NEBL: variants seen among roughly 807,000 people sequenced by gnomAD.
NEBL encodes the protein nebulette, also known as LIM and SH3 protein 2.
In NEBL, 122 loss-of-function variants were observed where a neutral mutation model predicts 140.2. The ratio of observed to expected loss-of-function variants is 0.87; its 90% CI spans 0.75 to 1.01. The LOEUF is 1.01. Among genes scored for constraint, NEBL ranks in the 50% least tolerant of loss-of-function variants. The pLI is 0.00. For synonymous variants in NEBL, 436 were observed against 398.9 expected (o/e 1.09, Z -1.11); for missense variants, 1,365 against 1,231.3 (o/e 1.11, Z -1.62).
At chr10:21,043,178 A>C (rs1834346813) in intron 2 of NEBL, among the ~76,000 whole-genome samples, 1 of 152,218 alleles carries the variant, frequency 6.6e-6, no homozygotes, top group Non-Finnish European at 1.5e-5. Flanking sequence ...TCCCAGCAAC[A>C]GCCTTTCCTC....
chr10:21,049,326 C>T (rs909531533), intron 2 of NEBL, among the ~76,000 whole-genome samples: 4 of 152,174 alleles, frequency 2.6e-5, no homozygotes, highest in African/African-American at 4.8e-5. Context: ...GCAGGCCCAC[C>T]ACACCCAGGG....
intron 2 of NEBL, among the ~76,000 whole-genome samples, chr10:21,073,329 A>AG (rs1835904599): frequency 6.6e-6 from 1 of 151,668 alleles, no homozygotes; most frequent in South Asian, 2.1e-4. Flanking sequence ...TCTCAAAAAA[A>AG]AAAAAAGCCA....
intron 6 of NEBL, 53 bp downstream of exon 6, chr10:20,869,687 C>T: frequency 8.0e-7 from 1 of 1,257,510 alleles, no homozygotes; most frequent in African/African-American, 1.5e-5. Context: ...TATGCTTTGC[C>T]TCCTACAAAA....
chr10:20,780,861 G>C lies in NEBL; in HGVS notation c.*4886C>G, dbSNP rs1238616367. Reference sequence around the variant, plus strand: ...TTCCTGGTTTGCCGTCATTTAAGTAGTTTCAATAGATAAATCGGTGATTTG... The same window carrying C: ...TTCCTGGTTTGCCGTCATTTAAGTACTTTCAATAGATAAATCGGTGATTTG... On this transcript the variant is annotated 3_prime_UTR_variant, in exon 28 of 28. Transcript: ENST00000377122. 1 of 152,158 alleles carries C rather than the reference G, an allele frequency of 6.6e-6. No homozygotes were observed. Among genetic ancestry groups the C allele is most frequent in the African/African-American group, 2.4e-5 (1 of 41,440 alleles). 9.4% of individuals were successfully genotyped at this position (152,158 alleles called of 1,614,324 possible). A position where few individuals can be genotyped will look rare whatever the true frequency, so the allele number is the denominator to read the frequency against.
chr10:20,781,635 AACT>A lies in NEBL; in HGVS notation c.*4109_*4111del, dbSNP rs1452209728. 1 of 152,440 alleles carries A rather than the reference AACT, an allele frequency of 6.6e-6. No individual in the cohort carries two copies. The highest frequency in any genetic ancestry group is 6.5e-5 in the Admixed American group (1 of 15,280). 9.4% of individuals were successfully genotyped at this position (152,440 alleles called of 1,614,324 possible). A position where few individuals can be genotyped will look rare whatever the true frequency, so the allele number is the denominator to read the frequency against. ...AGGAATATACTGAAGTCATACAGAC[AACT>A]GAGAAAATTTGCTCAAAGATTCTTC... On this transcript the variant is annotated 3_prime_UTR_variant, in exon 28 of 28. Coordinates refer to ENST00000377122, the MANE Select transcript of NEBL (RefSeq NM_006393.3).
chr10:20,843,290 C>T (rs1841564949), intron 12 of NEBL, among the ~76,000 whole-genome samples: 1 of 152,044 alleles, frequency 6.6e-6, no homozygotes, highest in South Asian at 2.1e-4. Flanking sequence ...TCCCAGTCTC[C>T]AGAACTTTGA....
chr10:21,100,719 T>C (rs1253395417), intron 2 of NEBL, among the ~76,000 whole-genome samples: 2 of 152,246 alleles, frequency 1.3e-5, no homozygotes, highest in African/African-American at 4.8e-5. Flanking sequence ...GGATTGGTTT[T>C]GCTACAGATT....
chr10:20,829,103 T>A (rs1008790615), intron 16 of NEBL, among the ~76,000 whole-genome samples: 3 of 152,078 alleles, frequency 2.0e-5, no homozygotes, highest in Non-Finnish European at 4.4e-5. Context: ...ATTATTTCCA[T>A]CTTACAGATG....
chr10:21,053,136 C>A (rs138886453), intron 2 of NEBL, among the ~76,000 whole-genome samples: 12 of 151,686 alleles, frequency 7.9e-5, no homozygotes, highest in African/African-American at 2.7e-4. Flanking sequence ...TATTATATCA[C>A]GATAAATGAA....
intron 26 of NEBL, among the ~76,000 whole-genome samples, chr10:20,801,057 T>C (rs1418811859): frequency 2.0e-5 from 3 of 152,298 alleles, no homozygotes; most frequent in Admixed American, 2.0e-4. Context: ...CTTCAGCTCA[T>C]CTAGACACAC....
At chr10:21,259,002 A>T (rs112802358) in intron 1 of NEBL, among the ~76,000 whole-genome samples, 28 of 152,244 alleles carry the variant, frequency 1.8e-4, no homozygotes, top group African/African-American at 5.3e-4. Context: ...CAGATGACGA[A>T]AGTGAAGGCT....
intron 3 of NEBL, among the ~76,000 whole-genome samples, chr10:21,202,038 A>G (rs576144608): frequency 1.3e-5 from 2 of 152,240 alleles, no homozygotes; most frequent in South Asian, 4.1e-4. Context: ...TCCTATCGTG[A>G]TACAACATCT....
intron 2 of NEBL, among the ~76,000 whole-genome samples, chr10:21,052,759 A>G (rs1255903389): frequency 6.6e-6 from 1 of 152,204 alleles, no homozygotes; most frequent in Non-Finnish European, 1.5e-5. Flanking sequence ...CTCTCCAGCC[A>G]TGTTCTGTAG....
chr10:20,940,909 A>G (rs1017511587), intron 4 of NEBL, among the ~76,000 whole-genome samples: 2 of 152,358 alleles, frequency 1.3e-5, no homozygotes, highest in African/African-American at 2.4e-5. Context: ...CTCTGAATAG[A>G]CCAATAACAG....
chr10:20,862,436 G>A (rs542329941), intron 7 of NEBL, among the ~76,000 whole-genome samples: 1 of 152,158 alleles, frequency 6.6e-6, no homozygotes, highest in Non-Finnish European at 1.5e-5. Context: ...CGCTCTTTCT[G>A]TAAGGAATGC....
At chr10:21,230,388 C>T (rs1172317663) in intron 3 of NEBL, among the ~76,000 whole-genome samples, 1 of 152,110 alleles carries the variant, frequency 6.6e-6, no homozygotes, top group Non-Finnish European at 1.5e-5. Flanking sequence ...AAAGTAACTG[C>T]TCACTTAAAA....
chr10:21,288,849 T>TATATATATATATATATAA (rs1216184030), intron 1 of NEBL, among the ~76,000 whole-genome samples: 7 of 88,874 alleles, frequency 7.9e-5, no homozygotes, highest in Non-Finnish European at 1.4e-4. Context: ...TATATATATA[T>TATATATATATATATATAA]AAAAATTTTT....
chr10:20,875,426 A>G (rs1479875628), intron 5 of NEBL, among the ~76,000 whole-genome samples: 1 of 152,194 alleles, frequency 6.6e-6, no homozygotes, highest in African/African-American at 2.4e-5. Context: ...TCTGGGTTAG[A>G]CATGGCCAAT....
chr10:21,282,712 G>A (rs1843007924), intron 1 of NEBL, among the ~76,000 whole-genome samples: 1 of 152,168 alleles, frequency 6.6e-6, no homozygotes, highest in Admixed American at 6.5e-5. Context: ...TAGGAGCTGG[G>A]TAAAATGAGG....
Sources: allele counts gnomAD v4.1 joint callset (sites outside exome capture counted in the v4.1 genomes callset), GRCh38; gene constraint gnomAD v4.1.1; transcripts MANE v1.5; gene names NCBI Gene and HGNC (gene_info 2026-07-23, HGNC 2026-07-21).